The following CBLN2 variants were observed in gnomAD, a reference collection of about 807,000 sequenced individuals.
CBLN2 encodes the protein cerebellin-2.
In CBLN2, 7 loss-of-function variants were observed where a neutral mutation model predicts 15.0. The ratio of observed to expected loss-of-function variants is 0.47; its 90% CI spans 0.27 to 0.88. The LOEUF (loss-of-function observed/expected upper bound fraction) is 0.88, where lower values mean the gene tolerates loss of function less well. Ranked by LOEUF, CBLN2 falls within the 40% of genes least tolerant of loss-of-function variation. The probability of loss-of-function intolerance (pLI) is 0.14; values close to 1 mark genes in which losing one functional copy is unlikely to be tolerated. For synonymous variants in CBLN2, 149 were observed against 135.2 expected, an observed-to-expected ratio of 1.10 and a Z score of -0.71; for missense variants, 242 against 304.5, an observed-to-expected ratio of 0.79 and a Z score of 1.53.
intron 1 of CBLN2, among the ~76,000 whole-genome samples, chr18:72,623,025 G>T (rs971650514): frequency 6.6e-6 from 1 of 152,142 alleles, no homozygotes; most frequent in African/African-American, 2.4e-5. Context: ...AGGCATGGCT[G>T]GGGAAGCCTC....
At position 72,551,643 on chromosome 18, in the gene CBLN2, G is replaced by A. The variant is rs117128792; in HGVS notation, c.16-12871C>T. 4.4e-3 allele frequency among the ~76,000 whole-genome samples: 663 copies of A among 152,244 alleles called. 3 individuals are homozygous for A. Among genetic ancestry groups the A allele is most frequent in the Non-Finnish European group, 7.7e-3 (522 of 68,012 alleles). ...TGGGTCTCTGTGTGTATACACAGGT[G>A]AGGGATCTGTTTCAGAGAAATAAGT... On this transcript the variant is annotated intron_variant, in intron 1 of 2. Coordinates refer to the CBLN2 transcript ENST00000581073.
At chr18:72,617,874 T>C (rs182967196) in intron 1 of CBLN2, among the ~76,000 whole-genome samples, 5 of 152,228 alleles carry the variant, frequency 3.3e-5, no homozygotes, top group African/African-American at 9.6e-5. Flanking sequence ...GATGAGTTTT[T>C]GTTAAGAAAA....
intron 1 of CBLN2, among the ~76,000 whole-genome samples, chr18:72,633,210 C>T (rs2069788821): frequency 6.6e-6 from 1 of 152,150 alleles, no homozygotes; most frequent in African/African-American, 2.4e-5. Context: ...CAAAGAGTTG[C>T]TCAAATTTTG....
chr18:72,617,209 G>T (rs1233692993), intron 1 of CBLN2, among the ~76,000 whole-genome samples: 1 of 152,096 alleles, frequency 6.6e-6, no homozygotes, highest in Non-Finnish European at 1.5e-5. Flanking sequence ...AACATTGTTG[G>T]TTCAGTAGAA....
At chr18:72,596,354 T>G (rs922219283) in intron 1 of CBLN2, among the ~76,000 whole-genome samples, 1 of 152,078 alleles carries the variant, frequency 6.6e-6, no homozygotes, top group African/African-American at 2.4e-5. Context: ...TTTTTGTTGT[T>G]TCTGTTTGTA....
upstream of CBLN2, among the ~76,000 whole-genome samples, chr18:72,547,123 CA>C (rs1231888993): frequency 3.7e-5 from 5 of 133,364 alleles, no homozygotes; most frequent in African/African-American, 1.4e-4. Flanking sequence ...CACACACACA[CA>C]CACACACACA....
intron 1 of CBLN2, among the ~76,000 whole-genome samples, chr18:72,555,447 C>CGTGTGT (rs61258751): frequency 6.7e-6 from 1 of 149,578 alleles, no homozygotes; most frequent in African/African-American, 2.4e-5. Context: ...TGTGTGTGGG[C>CGTGTGT]GTGTGTGTGT....
At chr18:72,577,989 C>T (rs964161701) in intron 1 of CBLN2, among the ~76,000 whole-genome samples, 17 of 152,254 alleles carry the variant, frequency 1.1e-4, no homozygotes, top group Middle Eastern at 3.4e-3. Flanking sequence ...CTGTAGTTGG[C>T]ATACAGATTC....
At chr18:72,617,479 G>A (rs1782938141) in intron 1 of CBLN2, among the ~76,000 whole-genome samples, 1 of 152,098 alleles carries the variant, frequency 6.6e-6, no homozygotes, top group Admixed American at 6.5e-5. Context: ...TAAAGCCTTG[G>A]AATGATACTG....
At chr18:72,586,700 G>T (rs2069445776) in intron 1 of CBLN2, among the ~76,000 whole-genome samples, 1 of 152,114 alleles carries the variant, frequency 6.6e-6, no homozygotes, top group South Asian at 2.1e-4. Context: ...GTGTTATTAG[G>T]TGAAAATGGA....
chr18:72,559,700 T>C (rs2067142993), intron 1 of CBLN2, among the ~76,000 whole-genome samples: 1 of 152,160 alleles, frequency 6.6e-6, no homozygotes, highest in Non-Finnish European at 1.5e-5. Flanking sequence ...AACATATCCG[T>C]TTGATTTTTT....
chr18:72,563,304 T>C (rs1264066386), intron 1 of CBLN2, among the ~76,000 whole-genome samples: 1 of 152,242 alleles, frequency 6.6e-6, no homozygotes, highest in East Asian at 1.9e-4. Context: ...AATGAGTTAT[T>C]AATATTTGCA....
intron 1 of CBLN2, among the ~76,000 whole-genome samples, chr18:72,594,332 C>G (rs1230250127): frequency 6.6e-6 from 1 of 151,944 alleles, no homozygotes; most frequent in Non-Finnish European, 1.5e-5. Flanking sequence ...TAGGATAAAT[C>G]CTATTTTGTC....
At chr18:72,544,973 C>CTAA (rs3841257), upstream of CBLN2, among the ~76,000 whole-genome samples, 84,135 of 147,096 alleles carry the variant, frequency 0.57, 26,215 homozygotes, top group East Asian at 0.82. Flanking sequence ...TTCTGATAGG[C>CTAA]TAATAATAAT....
intron 1 of CBLN2, among the ~76,000 whole-genome samples, chr18:72,565,004 G>GA (rs993440510): frequency 1.3e-5 from 2 of 152,146 alleles, no homozygotes; most frequent in African/African-American, 2.4e-5. Context: ...AGTGTTGTGA[G>GA]AAAAAATCTG....
intron 1 of CBLN2, chr18:72,619,211 C>A: frequency 1.1e-6 from 1 of 930,994 alleles, no homozygotes; most frequent in Non-Finnish European, 1.7e-6. Flanking sequence ...ATGGCAGTGG[C>A]AGAAGATTTT....
rs2069068799 is a variant in CBLN2, at chr18:72,537,117, G to A, written c.*1059C>T. On this transcript the variant is annotated 3_prime_UTR_variant, in exon 5 of 5. Transcript: ENST00000269503. ...ATCCAAATAAATTAAATCACCCACA[G>A]AGAAGTCACAGCACACGTGGCAAAG... The A allele has an allele frequency of 6.6e-6, 1 of 152,146 alleles. No homozygotes were observed. The highest frequency in any genetic ancestry group is 1.5e-5 in the Non-Finnish European group (1 of 68,050). The allele number at this position is 152,146 out of a possible 1,614,324, so 9.4% of individuals were successfully genotyped here.
intron 1 of CBLN2, among the ~76,000 whole-genome samples, chr18:72,576,511 G>T (rs1396294078): frequency 1.3e-5 from 2 of 152,066 alleles, no homozygotes; most frequent in African/African-American, 4.8e-5. Flanking sequence ...GAAATGAAAA[G>T]GTAGTGATTT....
chr18:72,636,114 G>A (rs913711936), intron 1 of CBLN2, among the ~76,000 whole-genome samples: 9 of 152,082 alleles, frequency 5.9e-5, no homozygotes, highest in East Asian at 1.9e-4. Context: ...GATATTTATA[G>A]TGTTAATCTT....
Sources: allele counts gnomAD v4.1 joint callset (sites outside exome capture counted in the v4.1 genomes callset), GRCh38; gene constraint gnomAD v4.1.1; transcripts MANE v1.5; gene names NCBI Gene and HGNC (gene_info 2026-07-23, HGNC 2026-07-21).